Variants in NFATC2IP observed in about 807,000 individuals in gnomAD.
NFATC2IP encodes NFATC2-interacting protein.
Under a neutral mutation model 40.2 loss-of-function variants are expected in NFATC2IP, and 25 were observed. That is an observed-to-expected ratio of 0.62 (90% CI 0.45 to 0.87). The LOEUF (loss-of-function observed/expected upper bound fraction) is 0.87, where lower values mean the gene tolerates loss of function less well. Among genes scored for constraint, NFATC2IP ranks in the 40% least tolerant of loss-of-function variants. The pLI, the probability that NFATC2IP is intolerant of heterozygous loss-of-function variation, is 0.00. For missense variants in NFATC2IP, 553 were observed against 555.6 expected, an observed-to-expected ratio of 1.00 and a Z score of 0.05; for synonymous variants, 241 against 236.3, an observed-to-expected ratio of 1.02 and a Z score of -0.18.
intron 5 of NFATC2IP, among the ~76,000 whole-genome samples, chr16:28,957,400 T>C (rs1965033774): frequency 6.6e-6 from 1 of 151,790 alleles, no homozygotes. Context: ...CCCAGCACTT[T>C]GGGAGGCCAA....
intron 1 of NFATC2IP, among the ~76,000 whole-genome samples, chr16:28,951,914 A>T (rs1234335678): frequency 6.6e-6 from 1 of 152,082 alleles, no homozygotes; most frequent in African/African-American, 2.4e-5. Context: ...GGAAGCATAC[A>T]TTTCAGAGTG....
intron 6 of NFATC2IP, 65 bp downstream of exon 6, chr16:28,958,926 G>T (rs1965052785): frequency 3.2e-5 from 51 of 1,606,584 alleles, no homozygotes; most frequent in Non-Finnish European, 4.3e-5. Flanking sequence ...ATGGGGAGAG[G>T]TTCAGCACGG....
rs1964999371 is a variant in NFATC2IP, at chr16:28,954,522, C to T, written c.461-43C>T. On this transcript the variant is annotated intron_variant, in intron 2 of 7. Transcript: ENST00000320805. ...GTTTCTTCTTGGCCTTCGCTGGCCT[C>T]CCTTGGATAACCCCCTTCTACCTTC... 9 of 1,394,850 alleles carry T rather than the reference C, an allele frequency of 6.5e-6. No individual in the cohort carries two copies. In the East Asian group the frequency reaches 1.8e-4, roughly 28 times the overall value. 86.4% of individuals were successfully genotyped at this position (1,394,850 alleles called of 1,614,324 possible).
At position 28,951,405 on chromosome 16, in the gene NFATC2IP, C is replaced by G; in HGVS notation, c.387+7C>G. On this transcript the variant is annotated splice_region_variant and intron_variant, in intron 1 of 7. Transcript: ENST00000320805. ...TCCGGTGTACTCGGGGAAGGTGCGCCCGGTCCCGGGGAGGGGACCGGCGGA... is the reference window on the plus strand; with the variant it reads ...TCCGGTGTACTCGGGGAAGGTGCGCGCGGTCCCGGGGAGGGGACCGGCGGA... The G allele has an allele frequency of 2.2e-6, 3 of 1,385,622 alleles. No individual in the cohort carries two copies. Among genetic ancestry groups the G allele is most frequent in the Non-Finnish European group, 2.8e-6 (3 of 1,073,826 alleles). 85.8% of individuals were successfully genotyped at this position (1,385,622 alleles called of 1,614,324 possible). A position where few individuals can be genotyped will look rare whatever the true frequency, so the allele number is the denominator to read the frequency against.
chr16:28,966,016 C>T lies in NFATC2IP; in HGVS notation c.*2153C>T, dbSNP rs370558373. 2.6e-5 allele frequency: 4 copies of T among 152,046 alleles called. No individual in the cohort carries two copies. In the East Asian group the frequency reaches 5.8e-4, roughly 22 times the overall value. The allele number at this position is 152,046 out of a possible 1,614,324, so 9.4% of individuals were successfully genotyped here. A position where few individuals can be genotyped will look rare whatever the true frequency, so the allele number is the denominator to read the frequency against. On this transcript the variant is annotated 3_prime_UTR_variant, in exon 8 of 8. Transcript: ENST00000320805. Reference sequence around the variant, plus strand: ...GCTGCAGTGAACAGAGACAGTGCCACTGCACATCAGCCTGAGTGACAGAGA... The same window carrying T: ...GCTGCAGTGAACAGAGACAGTGCCATTGCACATCAGCCTGAGTGACAGAGA...
At chr16:28,962,186 A>G (rs1013950853) in intron 7 of NFATC2IP, among the ~76,000 whole-genome samples, 2 of 152,152 alleles carry the variant, frequency 1.3e-5, no homozygotes, top group African/African-American at 4.8e-5. Flanking sequence ...GATTACAGGC[A>G]TGAGCCACTG....
At chr16:28,952,063 AC>A in intron 1 of NFATC2IP, 68 bp from the exon 2 acceptor site, 2 of 1,605,516 alleles carry the variant, frequency 1.2e-6, no homozygotes, top group Non-Finnish European at 8.5e-7. Context: ...GGGAAGAATT[AC>A]CCCCAATTTT....
In NFATC2IP at chr16:28,952,069, A is replaced by C. The variant is rs1186754982; in HGVS notation, c.388-63A>C. 3 of 1,608,428 alleles carry C rather than the reference A, an allele frequency of 1.9e-6. No homozygotes were observed. The East Asian group carries it at 6.7e-5, about 36-fold the overall frequency. On this transcript the variant is annotated intron_variant, in intron 1 of 7. Transcript: ENST00000320805. ...TGGGTGTCAGGGAAGAATTACCCCC[A>C]ATTTTTTCTTTCGGTAGGGGAAGGA...
chr16:28,952,453 G>A (rs1964978194), intron 2 of NFATC2IP: 9 of 499,378 alleles, frequency 1.8e-5, no homozygotes, highest in Admixed American at 3.8e-5. Context: ...GCGGTAAGGT[G>A]TTGAGAATCT....
Position 28,964,796 on chromosome 16 carries a change from G to A in NFATC2IP, c.*933G>A, listed in dbSNP as rs1163749862. On this transcript the variant is annotated 3_prime_UTR_variant, in exon 8 of 8. Coordinates refer to ENST00000320805, the MANE Select transcript of NFATC2IP (RefSeq NM_032815.4). ...TTGACTCTTCTAGAAATGCAGTATT[G>A]CTTTGACCTGCCATGTGGCACTCCA... is the stretch of plus-strand genomic sequence containing the variant. The A allele has an allele frequency of 3.3e-5, 5 of 152,220 alleles. No individual in the cohort carries two copies. Among genetic ancestry groups the A allele is most frequent in the Admixed American group, 6.5e-5 (1 of 15,280 alleles). 9.4% of individuals were successfully genotyped at this position (152,220 alleles called of 1,614,324 possible).
Position 28,950,975 on chromosome 16 carries a change from A to G in NFATC2IP, c.-37A>G. On this transcript the variant is annotated 5_prime_UTR_variant, in exon 1 of 8. Coordinates refer to ENST00000320805, the MANE Select transcript of NFATC2IP (RefSeq NM_032815.4). Reference sequence around the variant, plus strand: ...TCGCTGAAGGGGGCGGGGCGAGGCGAGAGGAGGCGGGCGTGTGTTGTGGAG... The same window carrying G: ...TCGCTGAAGGGGGCGGGGCGAGGCGGGAGGAGGCGGGCGTGTGTTGTGGAG... 2.1e-6 allele frequency: 3 copies of G among 1,449,028 alleles called. No homozygotes were observed. The highest frequency in any genetic ancestry group is 1.8e-6 in the Non-Finnish European group (2 of 1,106,732). 89.8% of individuals were successfully genotyped at this position (1,449,028 alleles called of 1,614,324 possible). A position where few individuals can be genotyped will look rare whatever the true frequency, so the allele number is the denominator to read the frequency against.
At chr16:28,961,958 C>A (rs1965093507) in intron 7 of NFATC2IP, among the ~76,000 whole-genome samples, 1 of 148,890 alleles carries the variant, frequency 6.7e-6, no homozygotes, top group Non-Finnish European at 1.5e-5. Flanking sequence ...GGCTGGAGTG[C>A]AGTGGTGCGA....
intron 5 of NFATC2IP, among the ~76,000 whole-genome samples, chr16:28,958,206 T>C (rs1965042770): frequency 6.6e-6 from 1 of 151,736 alleles, no homozygotes; most frequent in Admixed American, 6.6e-5. Flanking sequence ...TCCCTGTAGT[T>C]TGGGAGGCCG....
At position 28,965,926 on chromosome 16, in the gene NFATC2IP, A is replaced by G. The variant is rs565441057; in HGVS notation, c.*2063A>G. ...AAAAATTAGCTGGGTGCAGTGGCGCATGCTTGTAATCCCAGCTACTCAGGA... is the reference window on the plus strand; with the variant it reads ...AAAAATTAGCTGGGTGCAGTGGCGCGTGCTTGTAATCCCAGCTACTCAGGA... On this transcript the variant is annotated 3_prime_UTR_variant, in exon 8 of 8. Transcript: ENST00000320805. The G allele has an allele frequency of 9.2e-5, 14 of 152,164 alleles. No individual in the cohort carries two copies. Among genetic ancestry groups the G allele is most frequent in the African/African-American group, 3.4e-4 (14 of 41,510 alleles). 9.4% of individuals were successfully genotyped at this position (152,164 alleles called of 1,614,324 possible).
chr16:28,954,532 AC>A (rs760701070), intron 2 of NFATC2IP, 32 bp from the exon 3 acceptor site: 252 of 1,467,436 alleles, frequency 1.7e-4, no homozygotes, highest in Admixed American at 4.0e-4. Context: ...CCCTTGGATA[AC>A]CCCCTTCTAC....
At chr16:28,961,020 A>T (rs936465726) in intron 7 of NFATC2IP, among the ~76,000 whole-genome samples, 4 of 152,044 alleles carry the variant, frequency 2.6e-5, no homozygotes, top group Admixed American at 6.6e-5. Flanking sequence ...TTTTCCTAAC[A>T]TACACCTCAA....
Position 28,958,020 on chromosome 16 carries a change from T to C in NFATC2IP, c.847-697T>C, listed in dbSNP as rs116380259. 2.3e-3 allele frequency among the ~76,000 whole-genome samples: 350 copies of C among 151,280 alleles called. 2 individuals are homozygous for C. The highest frequency in any genetic ancestry group is 7.6e-3 in the African/African-American group (314 of 41,144). ...TGGTGCCACTGCCTTCCAGCCTGGATGAAAGAGCGAGACTCTGCCTCAGAT... is the reference window on the plus strand; with the variant it reads ...TGGTGCCACTGCCTTCCAGCCTGGACGAAAGAGCGAGACTCTGCCTCAGAT... On this transcript the variant is annotated intron_variant, in intron 5 of 7. Coordinates refer to ENST00000320805, the MANE Select transcript of NFATC2IP (RefSeq NM_032815.4).
At position 28,955,959 on chromosome 16, in the gene NFATC2IP, C is replaced by G; in HGVS notation, c.579-19C>G. The G allele has an allele frequency of 6.3e-7, 1 of 1,593,798 alleles. No individual in the cohort carries two copies. ...GTCTCTCTCCATTGCCTCCGTCCTG[C>G]TGTCTCTTGCTTCTACAGGGATCTG... On this transcript the variant is annotated intron_variant, in intron 3 of 7. Coordinates refer to ENST00000320805, the MANE Select transcript of NFATC2IP (RefSeq NM_032815.4).
At chr16:28,954,744 G>A (rs560365979) in intron 3 of NFATC2IP, 62 bp downstream of exon 3, 2 of 1,000,540 alleles carry the variant, frequency 2.0e-6, no homozygotes, top group African/African-American at 3.2e-5. Flanking sequence ...GGTAAGCGGA[G>A]GCAGGCAGGA....
Sources: allele counts gnomAD v4.1 joint callset (sites outside exome capture counted in the v4.1 genomes callset), GRCh38; gene constraint gnomAD v4.1.1; transcripts MANE v1.5; gene names NCBI Gene and HGNC (gene_info 2026-07-23, HGNC 2026-07-21).